LRRTM4: variants seen among roughly 807,000 people sequenced by gnomAD.
The protein encoded by LRRTM4 is leucine-rich repeat transmembrane neuronal protein 4.
In LRRTM4, 25 loss-of-function variants were observed where a neutral mutation model predicts 47.6. The ratio of observed to expected loss-of-function variants is 0.53; its 90% confidence interval spans 0.38 to 0.73. The LOEUF is 0.73. Among genes scored for constraint, LRRTM4 ranks in the 30% least tolerant of loss-of-function variants. LRRTM4 has a pLI of 0.00. For synonymous variants in LRRTM4, 311 were observed against 269.5 expected, an observed-to-expected ratio of 1.15 and a Z score of -1.51; for missense variants, 638 against 713.4, an observed-to-expected ratio of 0.89 and a Z score of 1.20.
At chr2:77,489,264 A>C (rs77658361) in intron 3 of LRRTM4, among the ~76,000 whole-genome samples, 6,943 of 152,278 alleles carry the variant, frequency 0.046, 336 homozygotes, top group Admixed American at 0.16. Flanking sequence ...AAGACAGCAC[A>C]TAAGTTATGT....
chr2:77,065,996 T>C (rs1260111482), intron 3 of LRRTM4, among the ~76,000 whole-genome samples: 1 of 152,124 alleles, frequency 6.6e-6, no homozygotes, highest in East Asian at 1.9e-4. Context: ...ATCTATACAG[T>C]ATGGAATCTC....
intron 3 of LRRTM4, among the ~76,000 whole-genome samples, chr2:76,774,836 T>C (rs1558643766): frequency 6.6e-6 from 1 of 152,248 alleles, no homozygotes; most frequent in Non-Finnish European, 1.5e-5. Context: ...AGTACTTGTA[T>C]CATAGGAGTG....
At chr2:77,119,628 T>C (rs935123198) in intron 3 of LRRTM4, among the ~76,000 whole-genome samples, 7 of 151,834 alleles carry the variant, frequency 4.6e-5, no homozygotes, top group African/African-American at 1.7e-4. Flanking sequence ...CCTTGGAGCT[T>C]ACTTCCTATA....
chr2:77,139,608 G>C (rs1050362498), intron 3 of LRRTM4, among the ~76,000 whole-genome samples: 1 of 152,136 alleles, frequency 6.6e-6, no homozygotes, highest in African/African-American at 2.4e-5. Flanking sequence ...ATTCAACATA[G>C]TGTTGGAAGT....
intron 3 of LRRTM4, among the ~76,000 whole-genome samples, chr2:77,083,873 G>C (rs1680619573): frequency 1.5e-5 from 2 of 133,536 alleles, no homozygotes; most frequent in Non-Finnish European, 1.5e-5. Flanking sequence ...GGTGAGATCT[G>C]GGCTCACTGC....
chr2:77,219,695 A>T (rs1674563242), intron 3 of LRRTM4, among the ~76,000 whole-genome samples: 1 of 152,160 alleles, frequency 6.6e-6, no homozygotes, highest in Non-Finnish European at 1.5e-5. Flanking sequence ...GAACCTGAGG[A>T]TTCCCGCCAT....
chr2:77,379,234 C>G (rs1459817484), intron 3 of LRRTM4, among the ~76,000 whole-genome samples: 2 of 151,986 alleles, frequency 1.3e-5, no homozygotes, highest in Non-Finnish European at 2.9e-5. Context: ...TATTCTCACC[C>G]TCCCCTGTTT....
At chr2:77,169,215 C>A (rs896228835) in intron 3 of LRRTM4, among the ~76,000 whole-genome samples, 1 of 152,032 alleles carries the variant, frequency 6.6e-6, no homozygotes, top group Non-Finnish European at 1.5e-5. Context: ...TACTGGCAGT[C>A]CTAGCCGGAG....
At chr2:76,807,437 C>CACACATAT in intron 3 of LRRTM4, among the ~76,000 whole-genome samples, 1 of 34,284 alleles carries the variant, frequency 2.9e-5, no homozygotes, top group South Asian at 1.1e-3. Context: ...TATATATATA[C>CACACATAT]GTATATACAT....
At chr2:76,921,429 C>G (rs1397392355) in intron 3 of LRRTM4, among the ~76,000 whole-genome samples, 1 of 151,988 alleles carries the variant, frequency 6.6e-6, no homozygotes, top group African/African-American at 2.4e-5. Context: ...ACAGATTTCT[C>G]TACTGTGAAG....
intron 3 of LRRTM4, among the ~76,000 whole-genome samples, chr2:76,795,928 CAGACAGTGGGCGCA>C (rs941523509): frequency 1.3e-5 from 2 of 151,544 alleles, no homozygotes; most frequent in African/African-American, 2.4e-5. Context: ...TTGGGAGTGC[CAGACAGTGGGCGCA>C]GGTCAGTGGG....
At chr2:77,063,639 A>C (rs1372991115) in intron 3 of LRRTM4, among the ~76,000 whole-genome samples, 2 of 152,182 alleles carry the variant, frequency 1.3e-5, no homozygotes, top group East Asian at 3.8e-4. Context: ...TCAAGTTAAA[A>C]ACCAAATCAA....
intron 3 of LRRTM4, 72 bp downstream of exon 3, chr2:77,518,246 C>G (rs1462585731): frequency 6.9e-7 from 1 of 1,457,122 alleles, no homozygotes; most frequent in Non-Finnish European, 9.0e-7. Flanking sequence ...ATTAGAGACA[C>G]CTCTAGGGCT....
At chr2:77,207,142 T>TATATATA (rs1674148152) in intron 3 of LRRTM4, among the ~76,000 whole-genome samples, 1 of 136,852 alleles carries the variant, frequency 7.3e-6, no homozygotes, top group Non-Finnish European at 1.6e-5. Context: ...TATTTTATAT[T>TATATATA]TATATATATA....
chr2:76,784,665 A>G (rs755149775), intron 3 of LRRTM4, among the ~76,000 whole-genome samples: 4 of 152,050 alleles, frequency 2.6e-5, no homozygotes, highest in Non-Finnish European at 5.9e-5. Context: ...TGTTCTCTTT[A>G]TTTCATGCAT....
At chr2:76,976,932 C>T (rs999996365) in intron 3 of LRRTM4, among the ~76,000 whole-genome samples, 1 of 151,574 alleles carries the variant, frequency 6.6e-6, no homozygotes, top group Non-Finnish European at 1.5e-5. Flanking sequence ...ATACATGTGT[C>T]GAAATATCAC....
intron 3 of LRRTM4, among the ~76,000 whole-genome samples, chr2:77,420,138 G>A (rs182182951): frequency 6.6e-6 from 1 of 152,242 alleles, no homozygotes; most frequent in African/African-American, 2.4e-5. Flanking sequence ...GTTCTTTGTG[G>A]GCTGTTCATC....
At chr2:77,491,306 T>A (rs1678152805) in intron 3 of LRRTM4, among the ~76,000 whole-genome samples, 1 of 151,098 alleles carries the variant, frequency 6.6e-6, no homozygotes, top group African/African-American at 2.4e-5. Context: ...GGAAGGTATA[T>A]GAAAGCCAAA....
At chr2:77,301,064 G>T (rs1197892875) in intron 3 of LRRTM4, among the ~76,000 whole-genome samples, 1 of 151,718 alleles carries the variant, frequency 6.6e-6, no homozygotes, top group African/African-American at 2.4e-5. Context: ...AAGTTGCTGG[G>T]ACTTTCTAGT....
Sources: allele counts gnomAD v4.1 joint callset (sites outside exome capture counted in the v4.1 genomes callset), GRCh38; gene constraint gnomAD v4.1.1; transcripts MANE v1.5; gene names NCBI Gene and HGNC (gene_info 2026-07-23, HGNC 2026-07-21).